The following CASK variants were observed in gnomAD, a reference collection of about 807,000 sequenced individuals.
CASK encodes the protein calcium/calmodulin dependent serine protein kinase.
A neutral mutation model predicts 82.9 loss-of-function variants in CASK; 4 were observed. That is an observed-to-expected ratio of 0.05 (90% CI 0.02 to 0.11). The LOEUF (loss-of-function observed/expected upper bound fraction) is 0.11. CASK is among the 10% of genes least tolerant of loss of function. The probability of loss-of-function intolerance (pLI) is 1.00; values close to 1 mark genes in which losing one functional copy is unlikely to be tolerated. For missense variants in CASK, 358 were observed against 720.9 expected (o/e 0.50, Z 5.76); for synonymous variants, 259 against 253.5 (o/e 1.02, Z -0.20).
At chrX:41,654,868 T>A (rs13440614) in intron 8 of CASK, among the ~76,000 whole-genome samples, 29 of 110,655 alleles carry the variant, frequency 2.6e-4, no homozygotes, top group African/African-American at 8.2e-4. Context: ...AGGCAGAGAT[T>A]ACAGTGAGAA....
intron 1 of CASK, among the ~76,000 whole-genome samples, chrX:41,869,478 T>G (rs1150375): frequency 0.18 from 19,963 of 110,083 alleles, 1,534 homozygotes; most frequent in Middle Eastern, 0.28. Flanking sequence ...ATCTTAGAAT[T>G]AGCAAAAATA....
chrX:41,816,919 C>T (rs1025230074), intron 2 of CASK, among the ~76,000 whole-genome samples: 40 of 111,545 alleles, frequency 3.6e-4, no homozygotes, highest in African/African-American at 1.3e-3. Context: ...AGAAATAATA[C>T]CACATCTACA....
intron 15 of CASK, among the ~76,000 whole-genome samples, chrX:41,571,491 T>G (rs187912668): frequency 8.9e-6 from 1 of 112,036 alleles, no homozygotes; most frequent in Admixed American, 9.5e-5. Flanking sequence ...CTGTAGACTC[T>G]GTAGTGATGC....
rs1195100415 is a variant in CASK at position 41,696,544 on chromosome X, T to C, written c.430-25014A>G. On this transcript the variant is annotated intron_variant, in intron 5 of 26. Coordinates refer to ENST00000378163, the MANE Select transcript of CASK (RefSeq NM_001367721.1). Reference sequence around the variant, plus strand: ...GTATCATCTTGCTACTGGAAAGAAATTGTTCACAAAACCAATGAGATCATG... The same window carrying C: ...GTATCATCTTGCTACTGGAAAGAAACTGTTCACAAAACCAATGAGATCATG... 3 of 1,207,027 alleles carry C rather than the reference T, an allele frequency of 2.5e-6. No homozygotes were observed. The East Asian group carries it at 8.9e-5, about 36-fold the overall frequency.
rs754192141 is a variant in CASK, at chrX:41,534,945, A to G, written c.2184T>C (p.Tyr728=). The stretch of plus-strand genomic sequence containing the variant: ...ATGCTGGCAGTTTTACTACTTCTTC[A>G]TATGTGACAAGATCTAATTGATCAA... ...AVFDQLDLVT[Y]EEVVKLPAFK... is the part of the protein sequence containing the mutation. Residue 728 remains tyrosine (Y), a synonymous_variant, in exon 23 of 27, where the codon TAT becomes TAC. Transcript: ENST00000378163. The G allele has an allele frequency of 5.0e-6, 6 of 1,194,115 alleles. No homozygotes were observed. In the East Asian group the frequency reaches 8.9e-5, roughly 18 times the overall value.
chrX:41,657,675 A>C (rs775888096), intron 8 of CASK, among the ~76,000 whole-genome samples: 7 of 111,102 alleles, frequency 6.3e-5, no homozygotes, highest in Middle Eastern at 4.6e-3. Context: ...GGCACCTGCC[A>C]CCACACCCAG....
chrX:41,595,493 T>C (rs993927080), intron 12 of CASK, among the ~76,000 whole-genome samples: 1 of 111,592 alleles, frequency 9.0e-6, no homozygotes, highest in African/African-American at 3.3e-5. Context: ...TAGTCCCAGC[T>C]ACTCAAGATG....
chrX:41,610,159 A>ACAC, intron 11 of CASK, 134 bp from the exon 12 acceptor site: 1 of 592,294 alleles, frequency 1.7e-6, no homozygotes, highest in Non-Finnish European at 2.7e-6. Context: ...TTACTGAAGG[A>ACAC]TAGACTTAAA....
At chrX:41,537,368 T>TA (rs2064887876) in intron 22 of CASK, among the ~76,000 whole-genome samples, 1 of 111,338 alleles carries the variant, frequency 9.0e-6, no homozygotes, top group African/African-American at 3.3e-5. Context: ...AATGAGCTTT[T>TA]AAAGGTTTTA....
chrX:41,583,223 A>G (rs931724576), intron 14 of CASK, among the ~76,000 whole-genome samples: 15 of 112,049 alleles, frequency 1.3e-4, no homozygotes, highest in African/African-American at 4.2e-4. Flanking sequence ...AAAGCAAAAC[A>G]TATCGAGACT....
intron 1 of CASK, among the ~76,000 whole-genome samples, chrX:41,916,391 G>A (rs2072689908): frequency 9.0e-6 from 1 of 111,709 alleles, no homozygotes. Context: ...TACCATAGTG[G>A]CTCCAGGACA....
chrX:41,632,911 G>A (rs1302795976), intron 9 of CASK, among the ~76,000 whole-genome samples: 1 of 108,315 alleles, frequency 9.2e-6, no homozygotes, highest in Non-Finnish European at 1.9e-5. Flanking sequence ...GCTGGATGTG[G>A]TGGTGCCTGT....
chrX:41,894,296 A>G (rs1034069616), intron 1 of CASK, among the ~76,000 whole-genome samples: 11 of 111,445 alleles, frequency 9.9e-5, no homozygotes, highest in Non-Finnish European at 1.7e-4. Flanking sequence ...TTAAGTTGAC[A>G]GTAGAAAAAA....
rs191156985 is a variant in CASK, at chrX:41,713,570, T to C, written c.429+25814A>G. Among the ~76,000 whole-genome samples, 543 of 112,281 alleles carry C rather than the reference T, an allele frequency of 4.8e-3. 2 individuals are homozygous for C. The highest frequency in any genetic ancestry group is 9.1e-3 in the Middle Eastern group (2 of 219). On this transcript the variant is annotated intron_variant, in intron 5 of 26. Transcript: ENST00000378163. The stretch of plus-strand genomic sequence containing the variant: ...CCATTACTCTGGCTGTAGTAAATGC[T>C]ATGGCTAAGGGAGCCTCTTTTGTAT...
At chrX:41,638,298 C>T (rs1310768695) in intron 8 of CASK, among the ~76,000 whole-genome samples, 2 of 111,178 alleles carry the variant, frequency 1.8e-5, no homozygotes, top group Non-Finnish European at 3.8e-5. Flanking sequence ...GGTGTGGTGG[C>T]TCATACCTGT....
chrX:41,855,059 C>G (rs987659768), intron 1 of CASK, among the ~76,000 whole-genome samples: 2 of 111,948 alleles, frequency 1.8e-5, no homozygotes, highest in African/African-American at 6.5e-5. Flanking sequence ...TTCCCAACAT[C>G]TGTATGTGGG....
At chrX:41,769,787 T>TA (rs1421622874) in intron 3 of CASK, among the ~76,000 whole-genome samples, 2 of 109,538 alleles carry the variant, frequency 1.8e-5, no homozygotes, top group Non-Finnish European at 3.8e-5. Flanking sequence ...GTACTAAAAA[T>TA]AAAAAAAATT....
chrX:41,528,534 A>G (rs1194595248), intron 25 of CASK, among the ~76,000 whole-genome samples: 1 of 112,538 alleles, frequency 8.9e-6, no homozygotes, highest in Non-Finnish European at 1.9e-5. Context: ...AAAAAATGCC[A>G]CAAGGCCCTT....
intron 8 of CASK, among the ~76,000 whole-genome samples, chrX:41,642,772 T>C (rs773333266): frequency 1.8e-5 from 2 of 112,250 alleles, no homozygotes; most frequent in Non-Finnish European, 3.8e-5. Flanking sequence ...TTTGTCAATT[T>C]TGGATTTTGT....
Sources: allele counts gnomAD v4.1 joint callset (sites outside exome capture counted in the v4.1 genomes callset), GRCh38; gene constraint gnomAD v4.1.1; transcripts MANE v1.5; gene names NCBI Gene and HGNC (gene_info 2026-07-23, HGNC 2026-07-21).